Variants in COBLL1 observed in about 807,000 individuals in gnomAD.
The protein encoded by COBLL1 is cordon-bleu WH2 repeat protein like 1.
Under a neutral mutation model 94.8 loss-of-function variants are expected in COBLL1, and 50 were observed. The ratio of observed to expected loss-of-function variants is 0.53; its 90% confidence interval spans 0.42 to 0.67. The LOEUF (loss-of-function observed/expected upper bound fraction) is 0.67. Among genes scored for constraint, COBLL1 ranks in the 30% least tolerant of loss-of-function variants. The pLI, the probability that COBLL1 is intolerant of heterozygous loss-of-function variation, is 0.00. For synonymous variants in COBLL1, 448 were observed against 473.8 expected (o/e 0.95, Z 0.71); for missense variants, 1,362 against 1,348.7 (o/e 1.01, Z -0.15).
At chr2:164,763,814 A>C (rs1293597001) in intron 2 of COBLL1, among the ~76,000 whole-genome samples, 1 of 152,242 alleles carries the variant, frequency 6.6e-6, no homozygotes, top group Non-Finnish European at 1.5e-5. Context: ...GTGGGAGAAA[A>C]GGAATAGGGA....
At chr2:164,768,844 T>A (rs1045156912) in intron 2 of COBLL1, among the ~76,000 whole-genome samples, 1 of 152,180 alleles carries the variant, frequency 6.6e-6, no homozygotes, top group Non-Finnish European at 1.5e-5. Flanking sequence ...TTTAGGTATA[T>A]TTGTATTGCA....
intron 13 of COBLL1, chr2:164,687,214 T>TTTC: frequency 6.5e-6 from 1 of 152,800 alleles, no homozygotes; most frequent in Non-Finnish European, 1.4e-5. Flanking sequence ...ACTTTCTTTC[T>TTTC]TTTTTTTTTT....
intron 2 of COBLL1, among the ~76,000 whole-genome samples, chr2:164,801,310 G>A (rs1256461877): frequency 6.6e-6 from 1 of 150,634 alleles, no homozygotes; most frequent in Non-Finnish European, 1.5e-5. Context: ...GTGGTAGCGG[G>A]CGCCTGTAGT....
At chr2:164,702,459 C>T (rs1459403563) in intron 9 of COBLL1, among the ~76,000 whole-genome samples, 2 of 147,188 alleles carry the variant, frequency 1.4e-5, no homozygotes, top group African/African-American at 5.1e-5. Flanking sequence ...AGCTACTCAG[C>T]AAGCTGAGGC....
intron 2 of COBLL1, among the ~76,000 whole-genome samples, chr2:164,820,118 G>T (rs1685091754): frequency 0.017 from 1 of 58 alleles, no homozygotes; most frequent in African/African-American, 0.083. Flanking sequence ...ACAGGTGTGG[G>T]CCACCGTGCC....
intron 2 of COBLL1, among the ~76,000 whole-genome samples, chr2:164,757,850 T>C (rs1416359542): frequency 1.3e-5 from 2 of 151,734 alleles, no homozygotes; most frequent in African/African-American, 2.4e-5. Flanking sequence ...AAATTTCTTA[T>C]ATATGTCCCA....
chr2:164,680,464 T>C lies in COBLL1; in HGVS notation c.*5482A>G, dbSNP rs1682984222. 6.6e-6 allele frequency: 1 copy of C among 152,074 alleles called. No individual in the cohort carries two copies. Among genetic ancestry groups the C allele is most frequent in the African/African-American group, 2.4e-5 (1 of 41,424 alleles). The allele number at this position is 152,074 out of a possible 1,614,324, so 9.4% of individuals were successfully genotyped here. ...AGTGAACTTTTCCCCATTCATAACA[T>C]GGGGGCATCGCTGAGGGAGAACTAC... On this transcript the variant is annotated 3_prime_UTR_variant, in exon 14 of 14. Coordinates refer to ENST00000652658, the MANE Select transcript of COBLL1 (RefSeq NM_001365672.2).
Position 164,743,894 on chromosome 2 carries a change from A to G in COBLL1, c.42-19T>C, listed in dbSNP as rs780152974. On this transcript the variant is annotated intron_variant, in intron 2 of 13. Coordinates refer to ENST00000652658, the MANE Select transcript of COBLL1 (RefSeq NM_001365672.2). ...TTTTCTCCTAAAATATAAAGAAAAC[A>G]CAAAAAATACAAAATATTTTATTTT... 1 of 1,451,998 alleles carries G rather than the reference A, an allele frequency of 6.9e-7. No individual in the cohort carries two copies. Among genetic ancestry groups the G allele is most frequent in the Non-Finnish European group, 9.2e-7 (1 of 1,085,956 alleles). 89.9% of individuals were successfully genotyped at this position (1,451,998 alleles called of 1,614,324 possible).
Position 164,712,086 on chromosome 2 carries a change from T to C in COBLL1, c.997-6981A>G, listed in dbSNP as rs115126183. ...TCACACCCAGATCAGAATTTCCTGA[T>C]TCAAAATCCAACTAAATTTAGCTGA... On this transcript the variant is annotated intron_variant, in intron 7 of 13. Coordinates refer to ENST00000652658, the MANE Select transcript of COBLL1 (RefSeq NM_001365672.2). Among the ~76,000 whole-genome samples the C allele has an allele frequency of 9.9e-4, 150 of 152,256 alleles. 1 individual carries two copies. The highest frequency in any genetic ancestry group is 3.4e-3 in the African/African-American group (141 of 41,564).
chr2:164,705,306 T>G, intron 7 of COBLL1: 4 of 370,662 alleles, frequency 1.1e-5, no homozygotes, highest in East Asian at 4.0e-5. Context: ...AATACGGCCT[T>G]TCTCAAGAAA....
At chr2:164,840,795 C>T in intron 2 of COBLL1, 1 of 207,506 alleles carries the variant, frequency 4.8e-6, no homozygotes, top group Non-Finnish European at 9.6e-6. Flanking sequence ...GAAACTTTTG[C>T]CCTCCCTCCC....
chr2:164,816,315 C>A lies in COBLL1; in HGVS notation c.41+24841G>T, dbSNP rs186741478. Among the ~76,000 whole-genome samples the A allele has an allele frequency of 2.6e-5, 4 of 152,130 alleles. No homozygotes were observed. The East Asian group carries it at 7.8e-4, about 30-fold the overall frequency. Reference sequence around the variant, plus strand: ...GTCTTCAGAAGCTACAGTGGGCCCTCTAAGTCTGAAAAGAATGTGGGTGAA... The same window carrying A: ...GTCTTCAGAAGCTACAGTGGGCCCTATAAGTCTGAAAAGAATGTGGGTGAA... On this transcript the variant is annotated intron_variant, in intron 2 of 13. Transcript: ENST00000652658.
At chr2:164,815,132 G>A (rs1025662697) in intron 2 of COBLL1, among the ~76,000 whole-genome samples, 1 of 152,162 alleles carries the variant, frequency 6.6e-6, no homozygotes, top group African/African-American at 2.4e-5. Flanking sequence ...AGACACAGGG[G>A]CTCATGCCTG....
intron 2 of COBLL1, among the ~76,000 whole-genome samples, chr2:164,665,414 C>T (rs1345247497): frequency 9.6e-5 from 14 of 146,324 alleles, no homozygotes; most frequent in East Asian, 2.0e-4. Context: ...TTGATGGTCA[C>T]GAAAAACAGT....
intron 7 of COBLL1, among the ~76,000 whole-genome samples, chr2:164,710,379 T>C (rs1684828255): frequency 6.6e-6 from 1 of 152,148 alleles, no homozygotes; most frequent in Non-Finnish European, 1.5e-5. Context: ...AGAATATACA[T>C]ATCTAACATG....
chr2:164,674,952 T>C (rs756131684), intron 1 of COBLL1, among the ~76,000 whole-genome samples: 5 of 152,232 alleles, frequency 3.3e-5, no homozygotes, highest in Non-Finnish European at 5.9e-5. Context: ...ATCTGTGACA[T>C]TGTGTTGGGC....
intron 2 of COBLL1, chr2:164,800,427 G>C (rs909989667): frequency 3.2e-6 from 2 of 626,718 alleles, no homozygotes; most frequent in Non-Finnish European, 5.7e-6. Context: ...TACTATGTTG[G>C]TGAGGATGCA....
chr2:164,819,824 T>A (rs138782427), intron 2 of COBLL1, among the ~76,000 whole-genome samples: 7 of 151,290 alleles, frequency 4.6e-5, no homozygotes, highest in Admixed American at 4.6e-4. Context: ...TGTTTTGTTT[T>A]TGTTTGTTTG....
chr2:164,821,459 G>A (rs747265438), intron 2 of COBLL1, among the ~76,000 whole-genome samples: 1 of 152,190 alleles, frequency 6.6e-6, no homozygotes, highest in Non-Finnish European at 1.5e-5. Flanking sequence ...CAGATGTGGA[G>A]ATGTGGAAAT....
Sources: allele counts gnomAD v4.1 joint callset (sites outside exome capture counted in the v4.1 genomes callset), GRCh38; gene constraint gnomAD v4.1.1; transcripts MANE v1.5; gene names NCBI Gene and HGNC (gene_info 2026-07-23, HGNC 2026-07-21).